Variants in ELF4 observed in about 807,000 individuals in gnomAD.
The protein encoded by ELF4 is ETS-related transcription factor Elf-4.
A neutral mutation model predicts 31.7 loss-of-function variants in ELF4; 10 were observed. That is an observed-to-expected ratio of 0.32 (90% confidence interval 0.19 to 0.54). The LOEUF (loss-of-function observed/expected upper bound fraction) is 0.54. Ranked by LOEUF, ELF4 falls within the 20% of genes least tolerant of loss-of-function variation. The pLI, the probability that ELF4 is intolerant of heterozygous loss-of-function variation, is 0.95. For synonymous variants in ELF4, 208 were observed against 226.7 expected (o/e 0.92, Z 0.74); for missense variants, 418 against 522.0 (o/e 0.80, Z 1.94).
upstream of ELF4, among the ~76,000 whole-genome samples, chrX:130,111,663 C>T (rs1413343722): frequency 8.9e-6 from 1 of 111,812 alleles, no homozygotes; most frequent in Non-Finnish European, 1.9e-5. Flanking sequence ...GGGAGAGGGG[C>T]TGGCCCAGCA....
At chrX:130,074,165 G>C in intron 3 of ELF4, 24 bp from the exon 4 acceptor site, 1 of 1,206,407 alleles carries the variant, frequency 8.3e-7, no homozygotes, top group Non-Finnish European at 1.1e-6. Context: ...CATGGTGGGA[G>C]GAGAGAAGAA....
intron 1 of ELF4, among the ~76,000 whole-genome samples, chrX:130,106,110 T>C: frequency 9.1e-6 from 1 of 110,352 alleles, no homozygotes; most frequent in African/African-American, 3.3e-5. Context: ...AGGCGTCTTT[T>C]CTTCCTTTTC....
chrX:130,071,116 T>C lies in ELF4; in HGVS notation c.733A>G (p.Lys245Glu), dbSNP rs1463140083. Residue 245 changes from lysine (K) to glutamate (E), a missense_variant, in exon 7 of 9, where the codon AAA becomes GAA. By Grantham distance (56) the Lys-to-Glu change is moderately conservative. Around this residue, in one of 4 missense-constraint regions of ELF4, gnomAD observed 35 missense variants for 84.0 expected, o/e 0.42. Transcript: ENST00000308167. ...EKGIFKLVDSKAVSKLWGKQK... is the reference protein window; with the variant it reads ...EKGIFKLVDSEAVSKLWGKQK... ...TTCCCCCACAGCTTGGACACAGCTTTGGAGTCCACCAGTTTGAAGATGCCT... is the reference window on the plus strand; with the variant it reads ...TTCCCCCACAGCTTGGACACAGCTTCGGAGTCCACCAGTTTGAAGATGCCT... The C allele has an allele frequency of 8.3e-7, 1 of 1,210,334 alleles. No homozygotes were observed. The highest frequency in any genetic ancestry group is 2.2e-5 in the Admixed American group (1 of 45,801).
At chrX:130,104,021 G>T (rs962308861) in intron 1 of ELF4, among the ~76,000 whole-genome samples, 1 of 111,835 alleles carries the variant, frequency 8.9e-6, no homozygotes, top group African/African-American at 3.3e-5. Context: ...CTAGTGAAGG[G>T]TGAGAGTGAG....
intron 5 of ELF4, among the ~76,000 whole-genome samples, chrX:130,071,707 AAAGGCACCAGTGTTGTGCAGGT>A (rs1932789526): frequency 8.8e-6 from 1 of 113,001 alleles, no homozygotes. Context: ...AAGGCAGCCT[AAAGGCACCAGTGTTGTGCAGGT>A]AAGTGCGGTG....
At chrX:130,106,880 G>T (rs757908367) in intron 1 of ELF4, among the ~76,000 whole-genome samples, 1 of 111,021 alleles carries the variant, frequency 9.0e-6, no homozygotes, top group South Asian at 3.8e-4. Context: ...TCCACTGCAG[G>T]GGGCTATAGG....
intron 1 of ELF4, among the ~76,000 whole-genome samples, chrX:130,099,354 G>A (rs1026131165): frequency 2.0e-4 from 22 of 111,648 alleles, no homozygotes; most frequent in African/African-American, 4.2e-4. Context: ...CGGGTGGATC[G>A]CCTGAGGTCA....
chrX:130,107,278 AAAAAGAAAAG>A (rs746822755), intron 1 of ELF4, among the ~76,000 whole-genome samples: 4 of 110,241 alleles, frequency 3.6e-5, no homozygotes, highest in Admixed American at 9.7e-5. Context: ...ACTCCATCTC[AAAAAGAAAAG>A]AAAAGAAAAG....
intron 1 of ELF4, among the ~76,000 whole-genome samples, chrX:130,101,801 AAAAAC>A (rs3080372): frequency 0.061 from 5,965 of 97,309 alleles, 191 homozygotes; most frequent in African/African-American, 0.098. Context: ...CTCCGTCTCA[AAAAAC>A]AAAACAAAAC....
At chrX:130,095,317 T>C (rs916764261) in intron 1 of ELF4, among the ~76,000 whole-genome samples, 3 of 112,580 alleles carry the variant, frequency 2.7e-5, no homozygotes, top group African/African-American at 9.7e-5. Flanking sequence ...GTAATAATTC[T>C]GTTTTAATAG....
chrX:130,108,205 T>C (rs1476079485), intron 1 of ELF4, among the ~76,000 whole-genome samples: 1 of 101,044 alleles, frequency 9.9e-6, no homozygotes, highest in Admixed American at 1.1e-4. Context: ...TGAAACTCCA[T>C]CTCAAAAAAA....
At chrX:130,102,879 AG>A (rs760560773) in intron 1 of ELF4, among the ~76,000 whole-genome samples, 6,853 of 69,186 alleles carry the variant, frequency 0.099, 308 homozygotes, top group Non-Finnish European at 0.12. Context: ...AGAGAGAGAG[AG>A]AGAGAGAAAG....
chrX:130,100,044 A>G (rs1360976051), intron 1 of ELF4, among the ~76,000 whole-genome samples: 2 of 111,773 alleles, frequency 1.8e-5, no homozygotes, highest in South Asian at 7.6e-4. Flanking sequence ...GGTGAACTAT[A>G]GAGTGTTTCT....
intron 1 of ELF4, among the ~76,000 whole-genome samples, chrX:130,090,973 C>T (rs1390740469): frequency 1.8e-5 from 2 of 111,133 alleles, no homozygotes; most frequent in East Asian, 2.8e-4. Flanking sequence ...CCACCGTGCC[C>T]GGCTAACTTT....
At chrX:130,074,398 AC>A (rs1318139415) in intron 3 of ELF4, among the ~76,000 whole-genome samples, 182 bp downstream of exon 3, 1 of 110,959 alleles carries the variant, frequency 9.0e-6, no homozygotes, top group African/African-American at 3.3e-5. Flanking sequence ...TCATTGTCCC[AC>A]CCCACTTCCA....
chrX:130,072,218 C>G lies in ELF4; in HGVS notation c.532+8G>C. On this transcript the variant is annotated splice_region_variant and intron_variant, in intron 5 of 8. Coordinates refer to ENST00000308167, the MANE Select transcript of ELF4 (RefSeq NM_001421.4). ...GAGACACACATACACTCACTCTCCC[C>G]CACTTACTTCTCTTCTTTGATTTCC... 8.3e-7 allele frequency: 1 copy of G among 1,211,551 alleles called. No individual in the cohort carries two copies. The highest frequency in any genetic ancestry group is 1.1e-6 in the Non-Finnish European group (1 of 895,318).
At chrX:130,081,133 T>C in intron 2 of ELF4, 123 bp downstream of exon 2, 1 of 841,103 alleles carries the variant, frequency 1.2e-6, no homozygotes, top group Non-Finnish European at 1.8e-6. Context: ...TAGTAGGTGC[T>C]TGATGGATAT....
At chrX:130,067,551 G>C in intron 8 of ELF4, 26 bp from the exon 9 acceptor site, 1 of 1,195,005 alleles carries the variant, frequency 8.4e-7, no homozygotes, top group Non-Finnish European at 1.1e-6. Flanking sequence ...GAACAGAGTT[G>C]GTTAAGGCAG....
At chrX:130,074,868 C>T in intron 2 of ELF4, 116 bp from the exon 3 acceptor site, 1 of 860,790 alleles carries the variant, frequency 1.2e-6, no homozygotes, top group Non-Finnish European at 1.7e-6. Context: ...AGGGACTGTC[C>T]TTTGTATAGG....
Sources: gnomAD v4.1 joint callset for allele counts (sites outside exome capture counted in the v4.1 genomes callset) on GRCh38, gnomAD v4.1.1 for gene constraint, gnomAD v4.1.1 regional missense constraint, MANE v1.5 for transcripts, NCBI Gene and HGNC (gene_info 2026-07-23, HGNC 2026-07-21) for gene names.